The following HSF5 variants were observed in gnomAD, a reference collection of about 807,000 sequenced individuals.
HSF5 encodes the protein heat shock transcription factor 5, also known as heat shock factor protein 5.
Under a neutral mutation model 50.8 loss-of-function variants are expected in HSF5, and 5 were observed. That is an observed-to-expected ratio of 0.10 (90% confidence interval 0.05 to 0.21). The LOEUF is 0.21. Ranked by LOEUF, HSF5 falls within the 10% of genes least tolerant of loss-of-function variation. The pLI, the probability that HSF5 is intolerant of heterozygous loss-of-function variation, is 1.00. For synonymous variants in HSF5, 307 were observed against 307.4 expected (o/e 1.00, Z 0.02); for missense variants, 564 against 762.6 (o/e 0.74, Z 3.07).
chr17:58,488,200 C>A lies in HSF5; in HGVS notation c.75G>T (p.Pro25=). 1.3e-6 allele frequency: 2 copies of A among 1,525,558 alleles called. No individual in the cohort carries two copies. The highest frequency in any genetic ancestry group is 1.7e-6 in the Non-Finnish European group (2 of 1,149,606). The allele number at this position is 1,525,558 out of a possible 1,614,324, so 94.5% of individuals were successfully genotyped here. A position where few individuals can be genotyped will look rare whatever the true frequency, so the allele number is the denominator to read the frequency against. ...CGTCCCAGCGGATGGAGCGGTAGCG[C>A]GGGCTGTTCACCAGGCGCCACAGCT... is the stretch of plus-strand genomic sequence containing the variant. ...PAKLWRLVNS[P]RYRSIRWDGR... is the part of the protein sequence containing the mutation. Residue 25 remains proline (P), a synonymous_variant, in exon 1 of 6, where the codon CCG becomes CCT. Transcript: ENST00000323777. The surrounding 1 kb of genome is among the most constrained non-coding windows in gnomAD (Gnocchi z 4.1).
chr17:58,476,052 C>CA (rs1450190983), intron 2 of HSF5: 2 of 449,998 alleles, frequency 4.4e-6, no homozygotes. Context: ...AAAACAAAAC[C>CA]AAAAAAACCT....
intron 4 of HSF5, among the ~76,000 whole-genome samples, chr17:58,460,591 G>C (rs1255567684): frequency 6.6e-6 from 1 of 150,410 alleles, no homozygotes; most frequent in Non-Finnish European, 1.5e-5. Context: ...CTCGCCACAA[G>C]CTCCACCTCC....
intron 3 of HSF5, among the ~76,000 whole-genome samples, chr17:58,466,188 G>A (rs925402605): frequency 7.9e-5 from 12 of 152,090 alleles, no homozygotes; most frequent in Non-Finnish European, 1.5e-4. Flanking sequence ...CTGGTCCCAA[G>A]CATTTTGACT....
At chr17:58,472,535 AAT>A (rs949877136) in intron 2 of HSF5, among the ~76,000 whole-genome samples, 5 of 152,196 alleles carry the variant, frequency 3.3e-5, no homozygotes, top group African/African-American at 1.2e-4. Flanking sequence ...TTTACATGTA[AAT>A]AGTGTTTAAA....
At chr17:58,436,272 G>C (rs1257335294) in intron 5 of HSF5, among the ~76,000 whole-genome samples, 1 of 152,088 alleles carries the variant, frequency 6.6e-6, no homozygotes, top group African/African-American at 2.4e-5. Context: ...CCAACTGCTA[G>C]GCCAAGGTCT....
chr17:58,459,093 T>C (rs1974755028), intron 4 of HSF5, 148 bp from the exon 5 acceptor site: 3 of 667,068 alleles, frequency 4.5e-6, no homozygotes, highest in Non-Finnish European at 7.7e-6. Flanking sequence ...ATACTATACC[T>C]TTCTCCCTAC....
At chr17:58,434,483 G>A (rs188777148) in intron 5 of HSF5, among the ~76,000 whole-genome samples, 4 of 151,712 alleles carry the variant, frequency 2.6e-5, no homozygotes, top group Admixed American at 6.6e-5. Context: ...CCTGGGAGGC[G>A]GAGGTTGCAG....
At chr17:58,436,389 A>C (rs1053182513) in intron 5 of HSF5, among the ~76,000 whole-genome samples, 10 of 151,634 alleles carry the variant, frequency 6.6e-5, no homozygotes, top group South Asian at 6.2e-4. Flanking sequence ...ATCATAACTC[A>C]TTTTCCTCTT....
rs923662233 is a variant in HSF5 at position 58,471,994 on chromosome 17, C to T, written c.926-5015G>A. 2.0e-5 allele frequency among the ~76,000 whole-genome samples: 3 copies of T among 152,056 alleles called. No homozygotes were observed. In the South Asian group the frequency reaches 6.2e-4, roughly 32 times the overall value. ...TCAGCCTCCCAAGTAGCTGGGACTA[C>T]AGGTGTGCGCCACCATGCCTGGCTA... On this transcript the variant is annotated intron_variant, in intron 2 of 5. Transcript: ENST00000323777.
Position 58,462,907 on chromosome 17 carries a change from T to C in HSF5, c.1417A>G (p.Ser473Gly). ...ATGGCTGCAGATTCCTGTATTGTGC[T>C]ATTTTCAACAGGCTGAGCTGTGTGG... ...TIHTAQPVEN[S>G]TIQESAAIQQ... Residue 473 changes from serine (S) to glycine (G), a missense_variant, in exon 4 of 6, where the codon AGC (serine) becomes GGC (glycine). Ser to Gly is a moderately conservative substitution (Grantham distance 56). Around this residue, in one of 5 missense-constraint regions of HSF5, gnomAD observed 441 missense variants for 533.6 expected, o/e 0.83. Coordinates refer to ENST00000323777, the MANE Select transcript of HSF5 (RefSeq NM_001080439.3). The C allele has an allele frequency of 6.2e-7, 1 of 1,614,200 alleles. No homozygotes were observed. Among genetic ancestry groups the C allele is most frequent in the Non-Finnish European group, 8.5e-7 (1 of 1,180,036 alleles).
At chr17:58,476,475 G>A in intron 2 of HSF5, 1 of 1,084,506 alleles carries the variant, frequency 9.2e-7, no homozygotes, top group African/African-American at 1.5e-5. Context: ...ATTTCCATTT[G>A]ATTTCAGTGG....
chr17:58,435,020 T>C (rs752633782), intron 5 of HSF5, among the ~76,000 whole-genome samples: 3 of 152,118 alleles, frequency 2.0e-5, no homozygotes. Flanking sequence ...AGGGTTACAA[T>C]TGGAAGTAGA....
chr17:58,459,194 C>CA (rs1266989444), intron 4 of HSF5, among the ~76,000 whole-genome samples: 3 of 151,598 alleles, frequency 2.0e-5, no homozygotes, highest in Non-Finnish European at 4.4e-5. Context: ...TTTTAACTTA[C>CA]AAAAGTACAG....
chr17:58,438,790 CTGCTTCAA>C (rs1384625433), intron 5 of HSF5, among the ~76,000 whole-genome samples: 4 of 152,014 alleles, frequency 2.6e-5, no homozygotes, highest in African/African-American at 9.7e-5. Context: ...ATGAATCCAA[CTGCTTCAA>C]TACCCCAACC....
At chr17:58,426,473 G>T (rs1482866351) in intron 5 of HSF5, among the ~76,000 whole-genome samples, 1 of 152,216 alleles carries the variant, frequency 6.6e-6, no homozygotes, top group African/African-American at 2.4e-5. Context: ...ACAGGCTTGA[G>T]AGGTGAAAGG....
intron 5 of HSF5, among the ~76,000 whole-genome samples, chr17:58,431,681 C>T (rs1896963780): frequency 6.6e-6 from 1 of 152,156 alleles, no homozygotes; most frequent in Admixed American, 6.5e-5. Context: ...GTAAAACATA[C>T]ACAATTCTTG....
rs73317760 is a variant in HSF5, at chr17:58,447,620, G to A, written c.1720+11148C>T. Among the ~76,000 whole-genome samples the A allele has an allele frequency of 9.5e-3, 1,449 of 152,192 alleles. 27 individuals carry two copies. Among genetic ancestry groups the A allele is most frequent in the African/African-American group, 0.033 (1,351 of 41,514 alleles). ...GGGAACTCTCCCTGATCTTCCTCAA[G>A]TTCATTAGGACTGGAGACTAGGAGT... On this transcript the variant is annotated intron_variant, in intron 5 of 5. Coordinates refer to ENST00000323777, the MANE Select transcript of HSF5 (RefSeq NM_001080439.3).
rs760362010 is a variant in HSF5, at chr17:58,488,281, G to A, written c.-7C>T. The A allele has an allele frequency of 1.9e-5, 28 of 1,460,248 alleles. 1 individual carries two copies. The highest frequency in any genetic ancestry group is 8.0e-5 in the Admixed American group (3 of 37,568). The allele number at this position is 1,460,248 out of a possible 1,614,324, so 90.5% of individuals were successfully genotyped here. A position where few individuals can be genotyped will look rare whatever the true frequency, so the allele number is the denominator to read the frequency against. On this transcript the variant is annotated 5_prime_UTR_variant, in exon 1 of 6. Transcript: ENST00000323777. This position sits in a 1 kb window ranked among gnomAD's most constrained non-coding sequence, Gnocchi z 4.1. ...TGGAGAGCAGCGCCTCCATCGCCCC[G>A]CCGGGCCGGGGCCTCGCCCCCCGAG... is the stretch of plus-strand genomic sequence containing the variant.
intron 5 of HSF5, among the ~76,000 whole-genome samples, chr17:58,427,780 G>C (rs1974314633): frequency 6.6e-6 from 1 of 152,212 alleles, no homozygotes; most frequent in Non-Finnish European, 1.5e-5. Context: ...ACTCTCCTAA[G>C]GGCTTCTCTG....
Sources: gnomAD v4.1 joint callset for allele counts (sites outside exome capture counted in the v4.1 genomes callset) on GRCh38, gnomAD v4.1.1 for gene constraint, gnomAD v4.1.1 regional missense constraint, Gnocchi (gnomAD v3.1) non-coding constraint, MANE v1.5 for transcripts, NCBI Gene and HGNC (gene_info 2026-07-23, HGNC 2026-07-21) for gene names.